TBC1D12: variants seen among roughly 807,000 people sequenced by gnomAD.
TBC1D12 encodes TBC1 domain family, member 12.
Under a neutral mutation model 86.7 loss-of-function variants are expected in TBC1D12, and 56 were observed. The observed-to-expected ratio is 0.65, with a 90% CI of 0.52 to 0.81. The LOEUF is 0.81. Ranked by LOEUF, TBC1D12 falls within the 30% of genes least tolerant of loss-of-function variation. TBC1D12 has a pLI of 0.00. For missense variants in TBC1D12, 1,023 were observed against 1,038.8 expected (o/e 0.98, Z 0.21); for synonymous variants, 421 against 411.7 (o/e 1.02, Z -0.27).
intron 1 of TBC1D12, among the ~76,000 whole-genome samples, chr10:94,440,655 CAT>C (rs986458178): frequency 2.0e-5 from 3 of 152,092 alleles, no homozygotes; most frequent in Non-Finnish European, 4.4e-5. Context: ...TGTAATTAAT[CAT>C]ATGTGTGAAT....
chr10:94,472,377 T>C (rs1438597600), intron 2 of TBC1D12, among the ~76,000 whole-genome samples: 6 of 152,374 alleles, frequency 3.9e-5, no homozygotes, highest in African/African-American at 1.4e-4. Context: ...TATACATCTT[T>C]GTGCCTCAGT....
rs773794020 is a variant in TBC1D12 at position 94,500,218 on chromosome 10, T to C, written c.1413-3T>C. ...CTCCTTTTTTCTCCTCCTTTAATTCTAGGCGTAGTACAAGAAGAGTTCGAG... is the reference window on the plus strand; with the variant it reads ...CTCCTTTTTTCTCCTCCTTTAATTCCAGGCGTAGTACAAGAAGAGTTCGAG... On this transcript the variant is annotated splice_region_variant and splice_polypyrimidine_tract_variant and intron_variant, in intron 5 of 12. Coordinates refer to ENST00000225235, the MANE Select transcript of TBC1D12 (RefSeq NM_015188.2). The C allele has an allele frequency of 5.0e-6, 8 of 1,611,224 alleles. No homozygotes were observed. The Admixed American group carries it at 1.0e-4, about 20-fold the overall frequency.
chr10:94,496,599 A>ATGAG (rs2056324500), intron 4 of TBC1D12, among the ~76,000 whole-genome samples: 2 of 152,212 alleles, frequency 1.3e-5, no homozygotes, highest in Non-Finnish European at 2.9e-5. Flanking sequence ...TTGACTTCAT[A>ATGAG]GATTTAGTGT....
chr10:94,504,615 G>A (rs1380691565), intron 6 of TBC1D12, among the ~76,000 whole-genome samples: 1 of 152,138 alleles, frequency 6.6e-6, no homozygotes, highest in East Asian at 1.9e-4. Flanking sequence ...GGGCTCTAAA[G>A]TCAGTCAAAT....
At chr10:94,476,744 T>C (rs2134149530) in intron 3 of TBC1D12, among the ~76,000 whole-genome samples, 1 of 152,356 alleles carries the variant, frequency 6.6e-6, no homozygotes, top group South Asian at 2.1e-4. Flanking sequence ...CTAGACGGTG[T>C]TGGGGACAAA....
chr10:94,505,791 G>A (rs1589664776), intron 6 of TBC1D12, among the ~76,000 whole-genome samples: 1 of 152,112 alleles, frequency 6.6e-6, no homozygotes, highest in African/African-American at 2.4e-5. Flanking sequence ...AAATTATGCA[G>A]TTGTTTAAAA....
At chr10:94,532,924 A>C in intron 12 of TBC1D12, 104 bp from the exon 13 acceptor site, 1 of 647,326 alleles carries the variant, frequency 1.5e-6, no homozygotes, top group East Asian at 3.1e-5. Context: ...GGACAGTGTT[A>C]AGTATAATAA....
In TBC1D12 at chr10:94,517,458, C is replaced by T. The variant is rs555831204; in HGVS notation, c.1762-4497C>T. On this transcript the variant is annotated intron_variant, in intron 9 of 12. Transcript: ENST00000225235. ...AGAAAAATTGGGGAAAATTAAAATA[C>T]TGTTACTTTTATTACACTTATGATA... is the stretch of plus-strand genomic sequence containing the variant. Among the ~76,000 whole-genome samples the T allele has an allele frequency of 2.7e-3, 404 of 152,294 alleles. 2 individuals carry two copies. Among genetic ancestry groups the T allele is most frequent in the African/African-American group, 9.4e-3 (389 of 41,574 alleles).
At chr10:94,456,878 TG>T (rs1392775946) in intron 2 of TBC1D12, among the ~76,000 whole-genome samples, 2 of 152,234 alleles carry the variant, frequency 1.3e-5, no homozygotes, top group African/African-American at 4.8e-5. Context: ...TAAGGATTTT[TG>T]TGTCTTCTTG....
chr10:94,407,114 A>G (rs572531620), intron 1 of TBC1D12, among the ~76,000 whole-genome samples: 9 of 152,346 alleles, frequency 5.9e-5, no homozygotes, highest in African/African-American at 1.7e-4. Flanking sequence ...TACACAATGT[A>G]TCTATTACTA....
chr10:94,455,558 TTTC>T (rs2055615315), intron 2 of TBC1D12, among the ~76,000 whole-genome samples: 1 of 152,182 alleles, frequency 6.6e-6, no homozygotes, highest in Non-Finnish European at 1.5e-5. Context: ...ATTGATTCAG[TTTC>T]TTCTTATGTT....
chr10:94,510,164 C>T lies in TBC1D12; in HGVS notation c.1674C>T (p.Leu558=). 1 of 1,594,214 alleles carries T rather than the reference C, an allele frequency of 6.3e-7. No individual in the cohort carries two copies. Among genetic ancestry groups the T allele is most frequent in the Non-Finnish European group, 8.5e-7 (1 of 1,174,714 alleles). ...KLDISRTFPS[L]YIFQKGGPYH... Reference sequence around the variant, plus strand: ...ACATATCCCGTACATTTCCATCTCTCTACATCTTTCAGAAGGTGAGGGTTT... The same window carrying T: ...ACATATCCCGTACATTTCCATCTCTTTACATCTTTCAGAAGGTGAGGGTTT... The change falls in exon 8 of 13, where the codon CTC becomes CTT. Residue 558 remains leucine, a synonymous_variant. Coordinates refer to ENST00000225235, the MANE Select transcript of TBC1D12 (RefSeq NM_015188.2).
intron 11 of TBC1D12, among the ~76,000 whole-genome samples, chr10:94,525,441 G>C (rs1842262703): frequency 6.6e-6 from 1 of 151,990 alleles, no homozygotes; most frequent in Non-Finnish European, 1.5e-5. Context: ...GTGAAACCCT[G>C]TTTCTACTAA....
intron 2 of TBC1D12, among the ~76,000 whole-genome samples, chr10:94,452,520 A>C (rs1232867549): frequency 6.6e-6 from 1 of 152,118 alleles, no homozygotes; most frequent in East Asian, 1.9e-4. Context: ...ACTATTATGT[A>C]ATTGGAACCA....
At chr10:94,405,306 G>C (rs180950324) in intron 1 of TBC1D12, among the ~76,000 whole-genome samples, 11 of 152,054 alleles carry the variant, frequency 7.2e-5, no homozygotes, top group East Asian at 3.9e-4. Flanking sequence ...AGACATAAAG[G>C]CACAATTTTC....
In TBC1D12 at chr10:94,429,199, A is replaced by C. The variant is rs532587182; in HGVS notation, c.972-12697A>C. Among the ~76,000 whole-genome samples the C allele has an allele frequency of 3.3e-5, 5 of 152,192 alleles. No homozygotes were observed. In the South Asian group the frequency reaches 1.0e-3, roughly 32 times the overall value. On this transcript the variant is annotated intron_variant, in intron 1 of 12. Coordinates refer to ENST00000225235, the MANE Select transcript of TBC1D12 (RefSeq NM_015188.2). The stretch of plus-strand genomic sequence containing the variant: ...CTTGTAATTTCTCTTGTTTTGACAG[A>C]GTGGGTGATGTTGAATTTCCCTTTT...
At chr10:94,403,879 G>C (rs1243578105) in intron 1 of TBC1D12, among the ~76,000 whole-genome samples, 1 of 152,220 alleles carries the variant, frequency 6.6e-6, no homozygotes, top group East Asian at 1.9e-4. Context: ...GAGCAGTCAG[G>C]TTGGGCCAGC....
intron 2 of TBC1D12, among the ~76,000 whole-genome samples, chr10:94,471,303 C>G (rs1564963571): frequency 6.7e-6 from 1 of 148,504 alleles, no homozygotes; most frequent in Non-Finnish European, 1.5e-5. Flanking sequence ...AAAGCTCATT[C>G]CTCTCGTAGA....
At chr10:94,435,249 A>G (rs1321882427) in intron 1 of TBC1D12, among the ~76,000 whole-genome samples, 1 of 152,206 alleles carries the variant, frequency 6.6e-6, no homozygotes, top group East Asian at 1.9e-4. Flanking sequence ...ATGGTAGGGT[A>G]TGCAGCTGTT....
Sources: gnomAD v4.1 joint callset for allele counts (sites outside exome capture counted in the v4.1 genomes callset) on GRCh38, gnomAD v4.1.1 for gene constraint, MANE v1.5 for transcripts, NCBI Gene and HGNC (gene_info 2026-07-23, HGNC 2026-07-21) for gene names.